TMCO4: variants seen among roughly 807,000 people sequenced by gnomAD.
TMCO4 encodes the protein transmembrane and coiled-coil domain-containing protein 4.
Under a neutral mutation model 64.7 loss-of-function variants are expected in TMCO4, and 58 were observed. The observed-to-expected ratio is 0.90, with a 90% CI of 0.73 to 1.12. The LOEUF (loss-of-function observed/expected upper bound fraction) is 1.12, where lower values mean the gene tolerates loss of function less well. Among genes scored for constraint, TMCO4 ranks in the 50% most tolerant of loss-of-function variants. The pLI is 0.00. For missense variants in TMCO4, 780 were observed against 825.9 expected (o/e 0.94, Z 0.68); for synonymous variants, 325 against 346.1 (o/e 0.94, Z 0.68).
Position 19,780,640 on chromosome 1 carries a change from A to G in TMCO4, c.119T>C (p.Phe40Ser), listed in dbSNP as rs767567806. The G allele has an allele frequency of 6.2e-7, 1 of 1,613,954 alleles. No homozygotes were observed. Among genetic ancestry groups the G allele is most frequent in the Admixed American group, 1.7e-5 (1 of 59,982 alleles). ...TGRELTEANR[F>S]AYAALCGISL... ...GATGCCACAGAGGGCAGCATAGGCG[A>G]AGCGGTTGGCCTCAGTCAGCTCCCG... The change falls in exon 4 of 16, where the codon TTC becomes TCC. Residue 40 changes from phenylalanine to serine, a missense_variant. Phe to Ser is a radical substitution (Grantham distance 155). Coordinates refer to ENST00000294543, the MANE Select transcript of TMCO4 (RefSeq NM_181719.7).
At chr1:19,712,417 G>A (rs1343510010) in intron 13 of TMCO4, among the ~76,000 whole-genome samples, 1 of 151,808 alleles carries the variant, frequency 6.6e-6, no homozygotes, top group African/African-American at 2.4e-5. Context: ...TCAGGAGTTC[G>A]AGACCAGCCT....
intron 13 of TMCO4, among the ~76,000 whole-genome samples, chr1:19,712,455 C>A (rs1479478711): frequency 1.3e-5 from 2 of 151,758 alleles, no homozygotes; most frequent in Non-Finnish European, 2.9e-5. Flanking sequence ...CCTGTCTCTA[C>A]TAAAAATACA....
At chr1:19,756,496 T>C (rs937144903) in intron 6 of TMCO4, among the ~76,000 whole-genome samples, 1 of 152,034 alleles carries the variant, frequency 6.6e-6, no homozygotes, top group Non-Finnish European at 1.5e-5. Flanking sequence ...CAACCGTAAA[T>C]GCAGATGATA....
At position 19,734,744 on chromosome 1, in the gene TMCO4, G is replaced by A. The variant is rs1175356448; in HGVS notation, c.1264+2628C>T. Among the ~76,000 whole-genome samples, 2 of 152,166 alleles carry A rather than the reference G, an allele frequency of 1.3e-5. No individual in the cohort carries two copies. Among genetic ancestry groups the A allele is most frequent in the Non-Finnish European group, 2.9e-5 (2 of 68,022 alleles). Reference sequence around the variant, plus strand: ...GCTGCCGTCTGCCAAATACAGCATAGTGGTTAGGAGTGAGGGCTCCAGGGC... The same window carrying A: ...GCTGCCGTCTGCCAAATACAGCATAATGGTTAGGAGTGAGGGCTCCAGGGC... On this transcript the variant is annotated intron_variant, in intron 13 of 15. Transcript: ENST00000294543. The surrounding 1 kb of genome is among the most constrained non-coding windows in gnomAD (Gnocchi z 4.4).
At chr1:19,770,103 G>C (rs575058025) in intron 6 of TMCO4, among the ~76,000 whole-genome samples, 1 of 152,354 alleles carries the variant, frequency 6.6e-6, no homozygotes, top group East Asian at 1.9e-4. Flanking sequence ...GAGCCACTTC[G>C]AGGCAGTTAG....
chr1:19,746,940 A>AC (rs916362287), intron 8 of TMCO4, among the ~76,000 whole-genome samples: 7 of 150,906 alleles, frequency 4.6e-5, no homozygotes, highest in Non-Finnish European at 7.4e-5. Flanking sequence ...AAAAAAAAAA[A>AC]AAAAACGTGG....
At chr1:19,684,814 A>G (rs1291231296) in intron 15 of TMCO4, among the ~76,000 whole-genome samples, 1 of 152,124 alleles carries the variant, frequency 6.6e-6, no homozygotes, top group Non-Finnish European at 1.5e-5. Context: ...TAAGAGGAGG[A>G]GTGCTCTTCT....
chr1:19,737,020 A>C (rs918987596), intron 13 of TMCO4, among the ~76,000 whole-genome samples: 2 of 152,186 alleles, frequency 1.3e-5, no homozygotes, highest in African/African-American at 4.8e-5. Context: ...GTTGGAAGAG[A>C]CAGGAAAAAT....
At chr1:19,722,032 T>C (rs1032320709) in intron 13 of TMCO4, among the ~76,000 whole-genome samples, 3 of 152,144 alleles carry the variant, frequency 2.0e-5, no homozygotes, top group Non-Finnish European at 4.4e-5. Flanking sequence ...GACTCCATGA[T>C]TAAATTGATC....
chr1:19,745,470 C>T (rs2041728298), intron 10 of TMCO4, 62 bp downstream of exon 10: 1 of 1,609,570 alleles, frequency 6.2e-7, no homozygotes, highest in Non-Finnish European at 8.5e-7. Flanking sequence ...AAACCTAGCC[C>T]AGGGTCTGGC....
chr1:19,784,708 C>T (rs1431744730), intron 3 of TMCO4, among the ~76,000 whole-genome samples: 1 of 152,082 alleles, frequency 6.6e-6, no homozygotes, highest in Non-Finnish European at 1.5e-5. Context: ...CCTCCCATCA[C>T]ATCAGGATAA....
rs147390205 is a variant in TMCO4, at chr1:19,764,585, C to T, written c.382+5957G>A. ...TGAGTCTCAAGGATGTTGGGCTGGG[C>T]GTGGTGGTGGCTCACGCCTGTAATC... On this transcript the variant is annotated intron_variant, in intron 6 of 15. Coordinates refer to ENST00000294543, the MANE Select transcript of TMCO4 (RefSeq NM_181719.7). Among the ~76,000 whole-genome samples, 65 of 152,194 alleles carry T rather than the reference C, an allele frequency of 4.3e-4. 1 individual carries two copies. The East Asian group carries it at 8.7e-3, about 20-fold the overall frequency.
At chr1:19,770,751 G>A (rs2042944378) in intron 5 of TMCO4, among the ~76,000 whole-genome samples, 182 bp from the exon 6 acceptor site, 1 of 152,198 alleles carries the variant, frequency 6.6e-6, no homozygotes, top group Non-Finnish European at 1.5e-5. Context: ...GAGGACTTCA[G>A]GTAGTGAGAT....
intron 2 of TMCO4, among the ~76,000 whole-genome samples, chr1:19,793,632 G>A (rs911876289): frequency 2.6e-5 from 4 of 152,194 alleles, no homozygotes; most frequent in Non-Finnish European, 5.9e-5. Context: ...GAACCCAGAG[G>A]GTTTTGGATA....
At chr1:19,773,888 A>C (rs2043094031) in intron 4 of TMCO4, among the ~76,000 whole-genome samples, 1 of 152,006 alleles carries the variant, frequency 6.6e-6, no homozygotes, top group Non-Finnish European at 1.5e-5. Context: ...TAAGAGTTGG[A>C]CTCTGAAGTC....
chr1:19,704,006 C>T (rs1570686161), intron 13 of TMCO4, among the ~76,000 whole-genome samples: 1 of 152,342 alleles, frequency 6.6e-6, no homozygotes, highest in East Asian at 1.9e-4. Flanking sequence ...AGCTTCCTCT[C>T]TCTGGGCTCC....
chr1:19,688,807 G>A (rs16822732), intron 15 of TMCO4, among the ~76,000 whole-genome samples: 18,485 of 152,212 alleles, frequency 0.12, 1,347 homozygotes, highest in East Asian at 0.26. Flanking sequence ...TGGCTACTGC[G>A]GTTATTATCA....
intron 2 of TMCO4, among the ~76,000 whole-genome samples, chr1:19,791,463 C>G (rs2044033279): frequency 6.6e-6 from 1 of 152,188 alleles, no homozygotes; most frequent in South Asian, 2.1e-4. Flanking sequence ...TCTAACTGGA[C>G]AGGCTGGGAC....
chr1:19,754,937 A>G (rs1313234718), intron 7 of TMCO4, among the ~76,000 whole-genome samples: 1 of 152,052 alleles, frequency 6.6e-6, no homozygotes, highest in African/African-American at 2.4e-5. Context: ...AGAACATTGC[A>G]GCTTAAAAAA....
Sources: allele counts gnomAD v4.1 joint callset (sites outside exome capture counted in the v4.1 genomes callset), GRCh38; gene constraint gnomAD v4.1.1; non-coding constraint Gnocchi (gnomAD v3.1); transcripts MANE v1.5; gene names NCBI Gene and HGNC (gene_info 2026-07-23, HGNC 2026-07-21).